SRPK2: variants seen among roughly 807,000 people sequenced by gnomAD.
SRPK2 encodes SRSF protein kinase 2.
Under a neutral mutation model 90.8 loss-of-function variants are expected in SRPK2, and 21 were observed. The ratio of observed to expected loss-of-function variants is 0.23; its 90% CI spans 0.16 to 0.33. The LOEUF (loss-of-function observed/expected upper bound fraction) is 0.33, where lower values mean the gene tolerates loss of function less well. Among genes scored for constraint, SRPK2 ranks in the 10% least tolerant of loss-of-function variants. The pLI, the probability that SRPK2 is intolerant of heterozygous loss-of-function variation, is 1.00. For synonymous variants in SRPK2, 288 were observed against 311.1 expected, an observed-to-expected ratio of 0.93 and a Z score of 0.78; for missense variants, 620 against 869.0, an observed-to-expected ratio of 0.71 and a Z score of 3.60.
intron 2 of SRPK2, among the ~76,000 whole-genome samples, chr7:105,266,819 T>C (rs1242810771): frequency 6.6e-6 from 1 of 152,198 alleles, no homozygotes; most frequent in African/African-American, 2.4e-5. Context: ...ATTTTTCAAG[T>C]TCCTCCAAAC....
chr7:105,318,241 C>A (rs1049683019), intron 2 of SRPK2, among the ~76,000 whole-genome samples: 7 of 152,110 alleles, frequency 4.6e-5, no homozygotes, highest in Non-Finnish European at 7.4e-5. Context: ...ATTACAGGCG[C>A]ACGCCAGGTC....
chr7:105,383,053 A>ATTTTT lies in SRPK2; in HGVS notation c.71+5590_71+5594dup, dbSNP rs1161926443. On this transcript the variant is annotated intron_variant, in intron 2 of 15. Transcript: ENST00000393651. ...GTCTGAAATTATTTCAAAAGTAAAA[A>ATTTTT]TTTTTTTTTTTTTTTTTTTTTTTTT... Among the ~76,000 whole-genome samples, 9 of 101,678 alleles carry ATTTTT rather than the reference A, an allele frequency of 8.9e-5. No individual in the cohort carries two copies. The East Asian group carries it at 1.2e-3, about 14-fold the overall frequency. 66.7% of individuals were successfully genotyped at this position (101,678 alleles called of 152,430 possible). A position where few individuals can be genotyped will look rare whatever the true frequency, so the allele number is the denominator to read the frequency against.
chr7:105,282,185 AT>A (rs900417811), intron 2 of SRPK2, among the ~76,000 whole-genome samples: 1 of 152,164 alleles, frequency 6.6e-6, no homozygotes, highest in Non-Finnish European at 1.5e-5. Flanking sequence ...CAATCAAGTG[AT>A]TTTTCAACAG....
At chr7:105,180,677 T>G (rs1456724629) in intron 3 of SRPK2, among the ~76,000 whole-genome samples, 1 of 152,102 alleles carries the variant, frequency 6.6e-6, no homozygotes, top group Non-Finnish European at 1.5e-5. Context: ...AGAATCACTT[T>G]AACCCGGGAG....
chr7:105,171,959 T>C (rs1405138655), intron 3 of SRPK2, among the ~76,000 whole-genome samples: 3 of 152,194 alleles, frequency 2.0e-5, no homozygotes, highest in Admixed American at 1.3e-4. Context: ...GCACTGGCCA[T>C]CTCGGCTCAC....
At chr7:105,255,568 T>C (rs541593328) in intron 2 of SRPK2, among the ~76,000 whole-genome samples, 2 of 152,206 alleles carry the variant, frequency 1.3e-5, no homozygotes, top group African/African-American at 4.8e-5. Flanking sequence ...AGATTATTTA[T>C]AAAGCTTAAG....
chr7:105,223,157 A>G (rs756555561), intron 2 of SRPK2, among the ~76,000 whole-genome samples: 20 of 152,224 alleles, frequency 1.3e-4, no homozygotes, highest in Non-Finnish European at 2.8e-4. Flanking sequence ...CACAACCTCC[A>G]TTTGTCCAGA....
Position 105,237,925 on chromosome 7 carries a change from A to G in SRPK2, c.72-34140T>C, listed in dbSNP as rs1035483720. Among the ~76,000 whole-genome samples, 3 of 152,242 alleles carry G rather than the reference A, an allele frequency of 2.0e-5. No homozygotes were observed. In the South Asian group the frequency reaches 6.2e-4, roughly 32 times the overall value. ...ATAAACAGGCAATAAAAGCAGCAGTAGAGTCTGACAGAGCACTAAAAAAGC... is the reference window on the plus strand; with the variant it reads ...ATAAACAGGCAATAAAAGCAGCAGTGGAGTCTGACAGAGCACTAAAAAAGC... On this transcript the variant is annotated intron_variant, in intron 2 of 15. Transcript: ENST00000393651.
chr7:105,245,972 AC>A (rs1445041231), intron 2 of SRPK2, among the ~76,000 whole-genome samples: 2 of 152,272 alleles, frequency 1.3e-5, no homozygotes, highest in East Asian at 3.9e-4. Context: ...ACTGTTGTAG[AC>A]CCTGGCAATT....
At chr7:105,210,688 A>G (rs971669404) in intron 2 of SRPK2, among the ~76,000 whole-genome samples, 9 of 152,212 alleles carry the variant, frequency 5.9e-5, no homozygotes, top group African/African-American at 2.2e-4. Context: ...TTATCCAATT[A>G]TCTACACTAC....
chr7:105,368,884 CAAAAAAAAAAA>C (rs5886350), intron 2 of SRPK2, among the ~76,000 whole-genome samples: 2 of 93,120 alleles, frequency 2.1e-5, no homozygotes, highest in Non-Finnish European at 4.3e-5. Context: ...AACTCTATCT[CAAAAAAAAAAA>C]AAAAAAAAAA....
chr7:105,252,317 AAAC>A (rs1289048813), intron 2 of SRPK2, among the ~76,000 whole-genome samples: 1 of 152,232 alleles, frequency 6.6e-6, no homozygotes, highest in East Asian at 1.9e-4. Flanking sequence ...AAAAAAACAA[AAAC>A]AGAGTAGGGT....
At chr7:105,276,530 G>C (rs942856207) in intron 2 of SRPK2, among the ~76,000 whole-genome samples, 2 of 150,806 alleles carry the variant, frequency 1.3e-5, no homozygotes, top group Admixed American at 6.6e-5. Context: ...TTAAGCCCAA[G>C]AGTTCAAGAC....
In SRPK2 at chr7:105,116,766, G is replaced by A. The variant is rs528758944; in HGVS notation, c.*1072C>T. 6.6e-6 allele frequency: 1 copy of A among 152,536 alleles called. No individual in the cohort carries two copies. The highest frequency in any genetic ancestry group is 1.9e-4 in the East Asian group (1 of 5,188). 9.4% of individuals were successfully genotyped at this position (152,536 alleles called of 1,614,324 possible). ...GACAATGAAAAAGCTAGTAAAATTT[G>A]TTGTAGCCACACGTAAAGCTACCTA... On this transcript the variant is annotated 3_prime_UTR_variant, in exon 16 of 16. Coordinates refer to ENST00000393651, the MANE Select transcript of SRPK2 (RefSeq NM_182692.3).
At chr7:105,314,841 T>C (rs1015756784) in intron 2 of SRPK2, among the ~76,000 whole-genome samples, 3 of 152,222 alleles carry the variant, frequency 2.0e-5, no homozygotes, top group Non-Finnish European at 4.4e-5. Flanking sequence ...ATTAAGTAAA[T>C]TGCTCAAATG....
At chr7:105,218,507 A>G (rs1403972666) in intron 2 of SRPK2, among the ~76,000 whole-genome samples, 1 of 152,214 alleles carries the variant, frequency 6.6e-6, no homozygotes, top group East Asian at 1.9e-4. Flanking sequence ...ACGTGAGTTT[A>G]TGGTCCAAAC....
chr7:105,129,305 G>A (rs1181284433), intron 13 of SRPK2, among the ~76,000 whole-genome samples: 3 of 152,068 alleles, frequency 2.0e-5, no homozygotes, highest in African/African-American at 7.2e-5. Context: ...TGATTCTTTG[G>A]AGAGTGGCAA....
chr7:105,263,149 C>A (rs2130099305), intron 2 of SRPK2, among the ~76,000 whole-genome samples: 1 of 152,112 alleles, frequency 6.6e-6, no homozygotes, highest in Admixed American at 6.6e-5. Context: ...AAGGCAAAAC[C>A]CCGTGTCTAC....
intron 7 of SRPK2, among the ~76,000 whole-genome samples, chr7:105,152,730 T>C (rs1289882468): frequency 1.3e-5 from 2 of 152,134 alleles, no homozygotes; most frequent in African/African-American, 4.8e-5. Flanking sequence ...TATGTTCATC[T>C]TTCTTGCCTA....
Sources: allele counts gnomAD v4.1 joint callset (sites outside exome capture counted in the v4.1 genomes callset), GRCh38; gene constraint gnomAD v4.1.1; transcripts MANE v1.5; gene names NCBI Gene and HGNC (gene_info 2026-07-23, HGNC 2026-07-21).